DCC: variants seen among roughly 807,000 people sequenced by gnomAD.
The protein encoded by DCC is netrin receptor DCC.
Under a neutral mutation model 172.5 loss-of-function variants are expected in DCC, and 58 were observed. The ratio of observed to expected loss-of-function variants is 0.34; its 90% CI spans 0.27 to 0.42. DCC has a LOEUF of 0.42. Among genes scored for constraint, DCC ranks in the 10% least tolerant of loss-of-function variants. The probability of loss-of-function intolerance (pLI) is 1.00; values close to 1 mark genes in which losing one functional copy is unlikely to be tolerated. For missense variants in DCC, 1,740 were observed against 1,791.0 expected, an observed-to-expected ratio of 0.97 and a Z score of 0.51; for synonymous variants, 709 against 644.5, an observed-to-expected ratio of 1.10 and a Z score of -1.52.
intron 1 of DCC, among the ~76,000 whole-genome samples, chr18:52,411,922 C>T (rs934103317): frequency 1.3e-5 from 2 of 152,134 alleles, no homozygotes; most frequent in African/African-American, 4.8e-5. Context: ...CCAAATATTC[C>T]ATGCATCTCA....
intron 7 of DCC, among the ~76,000 whole-genome samples, chr18:53,069,522 T>C (rs909262366): frequency 6.6e-6 from 1 of 151,810 alleles, no homozygotes; most frequent in East Asian, 1.9e-4. Context: ...GTGGCGCAGG[T>C]CAGCCAGAGA....
At chr18:52,403,068 C>G (rs1045397280) in intron 1 of DCC, among the ~76,000 whole-genome samples, 2 of 152,108 alleles carry the variant, frequency 1.3e-5, no homozygotes, top group South Asian at 2.1e-4. Flanking sequence ...GCTAAGAAAA[C>G]AGGTGCAACG....
At chr18:52,869,966 A>G (rs1294451331) in intron 2 of DCC, among the ~76,000 whole-genome samples, 1 of 152,164 alleles carries the variant, frequency 6.6e-6, no homozygotes, top group Non-Finnish European at 1.5e-5. Context: ...AGCCCCAGCC[A>G]TGACTCCTCT....
intron 1 of DCC, among the ~76,000 whole-genome samples, chr18:52,436,986 G>A (rs928063251): frequency 6.6e-6 from 1 of 152,158 alleles, no homozygotes; most frequent in Non-Finnish European, 1.5e-5. Flanking sequence ...CCATTTTATA[G>A]ATGGAGAAAC....
chr18:52,545,924 T>C (rs1211245353), intron 1 of DCC, among the ~76,000 whole-genome samples: 1 of 152,192 alleles, frequency 6.6e-6, no homozygotes, highest in Admixed American at 6.5e-5. Flanking sequence ...TTTCCAATTT[T>C]ATATTGGGCT....
chr18:52,926,783 A>ATG (rs1326459320), intron 5 of DCC, among the ~76,000 whole-genome samples: 10 of 148,254 alleles, frequency 6.7e-5, no homozygotes, highest in Non-Finnish European at 1.2e-4. Context: ...ATTAGTCTCT[A>ATG]TATATATACA....
intron 22 of DCC, among the ~76,000 whole-genome samples, chr18:53,439,306 A>T (rs1443474542): frequency 2.0e-5 from 3 of 152,220 alleles, no homozygotes; most frequent in African/African-American, 7.2e-5. Flanking sequence ...TTCCAAGTAG[A>T]TGTGCAAGTG....
chr18:53,421,840 G>T (rs777614395), intron 21 of DCC, among the ~76,000 whole-genome samples: 2 of 152,146 alleles, frequency 1.3e-5, no homozygotes, highest in Non-Finnish European at 2.9e-5. Context: ...TAACATCTTT[G>T]CATAGTGAAG....
chr18:52,976,982 AC>A (rs1197672045), intron 5 of DCC, among the ~76,000 whole-genome samples: 1 of 152,170 alleles, frequency 6.6e-6, no homozygotes, highest in Non-Finnish European at 1.5e-5. Flanking sequence ...TTGTTAATAA[AC>A]ACTTACTCTG....
At chr18:52,511,638 A>G (rs2031444784) in intron 1 of DCC, among the ~76,000 whole-genome samples, 1 of 152,180 alleles carries the variant, frequency 6.6e-6, no homozygotes, top group Non-Finnish European at 1.5e-5. Context: ...GACAGCCCCC[A>G]TAATAAACAA....
chr18:53,226,948 A>ATATATATATTTTTTTTTTTTTTTT, intron 12 of DCC, among the ~76,000 whole-genome samples: 1 of 52,952 alleles, frequency 1.9e-5, no homozygotes, highest in African/African-American at 9.4e-5. Context: ...ATATATATAT[A>ATATATATATTTTTTTTTTTTTTTT]TTTTTTTTTT....
At position 52,899,024 on chromosome 18, in the gene DCC, A is replaced by G. The variant is rs566349408; in HGVS notation, c.413-7020A>G. On this transcript the variant is annotated intron_variant, in intron 2 of 28. Coordinates refer to ENST00000442544, the MANE Select transcript of DCC (RefSeq NM_005215.4). ...TAGATAATATTTTCACAAATGCCTTATGGATAGCCTCTCCACACCTCACCA... is the reference window on the plus strand; with the variant it reads ...TAGATAATATTTTCACAAATGCCTTGTGGATAGCCTCTCCACACCTCACCA... Among the ~76,000 whole-genome samples the G allele has an allele frequency of 9.9e-5, 15 of 152,194 alleles. 1 individual carries two copies. Among genetic ancestry groups the G allele is most frequent in the African/African-American group, 3.6e-4 (15 of 41,522 alleles).
intron 19 of DCC, among the ~76,000 whole-genome samples, chr18:53,403,869 G>A (rs1044791789): frequency 6.6e-6 from 1 of 152,162 alleles, no homozygotes; most frequent in Non-Finnish European, 1.5e-5. Flanking sequence ...AAGATAACGT[G>A]AAAATTCCAA....
At chr18:53,394,266 A>T (rs12965919) in intron 17 of DCC, among the ~76,000 whole-genome samples, 1 of 152,114 alleles carries the variant, frequency 6.6e-6, no homozygotes, top group East Asian at 1.9e-4. Flanking sequence ...CTGTAAAAAC[A>T]ATGAGATTCT....
intron 5 of DCC, among the ~76,000 whole-genome samples, chr18:52,964,149 C>T (rs2040890856): frequency 6.6e-6 from 1 of 152,108 alleles, no homozygotes; most frequent in African/African-American, 2.4e-5. Flanking sequence ...TAGTAAATTT[C>T]ACTCTGCTCT....
intron 25 of DCC, among the ~76,000 whole-genome samples, chr18:53,483,696 T>A (rs1471340473): frequency 6.6e-6 from 1 of 151,866 alleles, no homozygotes; most frequent in Non-Finnish European, 1.5e-5. Context: ...TAAACCAAAA[T>A]TTTATTTTAT....
At chr18:53,402,393 A>AT (rs1315319668) in intron 18 of DCC, among the ~76,000 whole-genome samples, 80 of 75,388 alleles carry the variant, frequency 1.1e-3, no homozygotes, top group Non-Finnish European at 1.9e-3. Context: ...CTGTCTCAAA[A>AT]AAAAAAAAAA....
At chr18:53,173,118 G>C (rs1240209017) in intron 8 of DCC, among the ~76,000 whole-genome samples, 1 of 152,070 alleles carries the variant, frequency 6.6e-6, no homozygotes, top group Non-Finnish European at 1.5e-5. Context: ...ATGAGGGTTT[G>C]CTTTTAAAAA....
chr18:52,601,353 T>G (rs2034014283), intron 1 of DCC, among the ~76,000 whole-genome samples: 1 of 152,014 alleles, frequency 6.6e-6, no homozygotes, highest in South Asian at 2.1e-4. Flanking sequence ...AGTTTACACT[T>G]TTTTTTCCCC....
Sources: gnomAD v4.1 joint callset for allele counts (sites outside exome capture counted in the v4.1 genomes callset) on GRCh38, gnomAD v4.1.1 for gene constraint, MANE v1.5 for transcripts, NCBI Gene and HGNC (gene_info 2026-07-23, HGNC 2026-07-21) for gene names.